The following SLC14A2 variants were observed in gnomAD, a reference collection of about 807,000 sequenced individuals.
SLC14A2 encodes solute carrier family 14 member 2.
Under a neutral mutation model 104.6 loss-of-function variants are expected in SLC14A2, and 91 were observed. The observed-to-expected ratio is 0.87, with a 90% CI of 0.73 to 1.04. The LOEUF is 1.04. Ranked by LOEUF, SLC14A2 falls within the 50% of genes least tolerant of loss-of-function variation. The probability of loss-of-function intolerance (pLI) is 0.00; values close to 1 mark genes in which losing one functional copy is unlikely to be tolerated. For missense variants in SLC14A2, 1,189 were observed against 1,156.0 expected (o/e 1.03, Z -0.41); for synonymous variants, 476 against 466.4 (o/e 1.02, Z -0.27).
At chr18:45,223,962 G>A (rs1000583061) in intron 1 of SLC14A2, among the ~76,000 whole-genome samples, 2 of 152,032 alleles carry the variant, frequency 1.3e-5, no homozygotes, top group Non-Finnish European at 2.9e-5. Flanking sequence ...AATCCATTTG[G>A]GCACCTTTGA....
rs113849461 is a variant in SLC14A2, at chr18:45,331,872, T to A, written c.-125+118681T>A. 9.4e-3 allele frequency among the ~76,000 whole-genome samples: 1,438 copies of A among 152,216 alleles called. 26 individuals are homozygous for A. The highest frequency in any genetic ancestry group is 0.033 in the African/African-American group (1,358 of 41,498). The stretch of plus-strand genomic sequence containing the variant: ...CTTTGAAATATTCCAGGAAAACAAA[T>A]ATATTTTACTTCTAAATATGAAGTG... On this transcript the variant is annotated intron_variant, in intron 1 of 20. Transcript: ENST00000586448.
intron 1 of SLC14A2, among the ~76,000 whole-genome samples, chr18:45,219,626 T>C (rs2084042770): frequency 6.6e-6 from 1 of 152,194 alleles, no homozygotes; most frequent in Admixed American, 6.5e-5. Context: ...AGTTCCTTGT[T>C]TTCGTGCCTC....
chr18:45,361,666 T>A (rs887434909), intron 1 of SLC14A2, among the ~76,000 whole-genome samples: 3 of 152,170 alleles, frequency 2.0e-5, no homozygotes, highest in Non-Finnish European at 4.4e-5. Flanking sequence ...TGTGGGGGCA[T>A]AAGAGCTAGG....
At chr18:45,455,886 T>A (rs2086935542) in intron 1 of SLC14A2, among the ~76,000 whole-genome samples, 1 of 151,610 alleles carries the variant, frequency 6.6e-6, no homozygotes, top group Non-Finnish European at 1.5e-5. Context: ...GAGTGAGAAA[T>A]GGGTATTTTC....
intron 1 of SLC14A2, among the ~76,000 whole-genome samples, chr18:45,255,803 C>T (rs1199723284): frequency 6.6e-6 from 1 of 152,056 alleles, no homozygotes; most frequent in Non-Finnish European, 1.5e-5. Context: ...AAGCATAAGC[C>T]ACCAGCCCCT....
At chr18:45,592,117 G>T (rs2044656300) in intron 2 of SLC14A2, among the ~76,000 whole-genome samples, 1 of 152,170 alleles carries the variant, frequency 6.6e-6, no homozygotes, top group Non-Finnish European at 1.5e-5. Context: ...CCATCCTGGG[G>T]GAAAGGTTGC....
At chr18:45,232,726 T>C (rs1254204670) in intron 1 of SLC14A2, among the ~76,000 whole-genome samples, 8 of 152,232 alleles carry the variant, frequency 5.3e-5, no homozygotes, top group Admixed American at 5.2e-4. Flanking sequence ...TTCAGCTTAA[T>C]TGGTTAAGTC....
chr18:45,459,985 T>C (rs1168935544), intron 1 of SLC14A2, among the ~76,000 whole-genome samples: 1 of 152,210 alleles, frequency 6.6e-6, no homozygotes, highest in Non-Finnish European at 1.5e-5. Context: ...GGGGCTCTCA[T>C]GTTGCCCCAT....
intron 1 of SLC14A2, among the ~76,000 whole-genome samples, chr18:45,227,179 C>A (rs1391625829): frequency 2.6e-5 from 4 of 152,176 alleles, no homozygotes; most frequent in Admixed American, 6.5e-5. Flanking sequence ...GCCTCCCCAG[C>A]TGAAAGACAG....
chr18:45,414,787 T>C (rs1337450250), intron 1 of SLC14A2, among the ~76,000 whole-genome samples: 14 of 106,488 alleles, frequency 1.3e-4, no homozygotes, highest in Admixed American at 8.3e-4. Flanking sequence ...TATATATATA[T>C]ATATATATAG....
chr18:45,356,654 G>A (rs2085557121), intron 1 of SLC14A2, among the ~76,000 whole-genome samples: 2 of 152,146 alleles, frequency 1.3e-5, no homozygotes, highest in Non-Finnish European at 2.9e-5. Flanking sequence ...TCAAGATATG[G>A]GTTAGGAACA....
chr18:45,205,511 G>T, the SLC14A2 span, among the ~76,000 whole-genome samples: 1 of 152,162 alleles, frequency 6.6e-6, no homozygotes, highest in African/African-American at 2.4e-5. Context: ...GAGGACCATT[G>T]GGGGTTAAAC....
intron 1 of SLC14A2, among the ~76,000 whole-genome samples, chr18:45,275,475 A>G (rs1430193905): frequency 3.3e-5 from 5 of 152,212 alleles, no homozygotes; most frequent in African/African-American, 1.2e-4. Context: ...CTGTCCTGCA[A>G]CAATGAGATG....
chr18:45,476,085 T>C (rs536721986), intron 1 of SLC14A2, among the ~76,000 whole-genome samples: 132 of 152,302 alleles, frequency 8.7e-4, no homozygotes, highest in African/African-American at 3.1e-3. Context: ...TGATGGTCTT[T>C]ACAATTTGGT....
At chr18:45,184,012 C>T in the SLC14A2 span, among the ~76,000 whole-genome samples, 8 of 148,704 alleles carry the variant, frequency 5.4e-5, no homozygotes, top group African/African-American at 1.7e-4. Context: ...TCTCGGGCTC[C>T]CAAAGTGCTG....
chr18:45,455,829 CA>C (rs2086934876), intron 1 of SLC14A2, among the ~76,000 whole-genome samples: 1 of 151,912 alleles, frequency 6.6e-6, no homozygotes, highest in South Asian at 2.1e-4. Flanking sequence ...GTATATTAGA[CA>C]AAAGCTATGA....
At chr18:45,176,494 A>G in the SLC14A2 span, among the ~76,000 whole-genome samples, 1 of 152,060 alleles carries the variant, frequency 6.6e-6, no homozygotes, top group African/African-American at 2.4e-5. Flanking sequence ...TTTTTTCTTC[A>G]CTTCCTCCCA....
At chr18:45,437,576 C>A (rs1484963894) in intron 1 of SLC14A2, among the ~76,000 whole-genome samples, 2 of 152,174 alleles carry the variant, frequency 1.3e-5, no homozygotes, top group African/African-American at 4.8e-5. Flanking sequence ...CATCCCCATG[C>A]ACACCAGCCT....
At chr18:45,581,282 G>A (rs960962900) in intron 2 of SLC14A2, among the ~76,000 whole-genome samples, 1 of 152,202 alleles carries the variant, frequency 6.6e-6, no homozygotes. Context: ...GCACAGGGCT[G>A]CAGGAACAAA....
Sources: allele counts gnomAD v4.1 joint callset (sites outside exome capture counted in the v4.1 genomes callset), GRCh38; gene constraint gnomAD v4.1.1; transcripts MANE v1.5; gene names NCBI Gene and HGNC (gene_info 2026-07-23, HGNC 2026-07-21).